DNAJC10: variants seen among roughly 807,000 people sequenced by gnomAD.
The protein encoded by DNAJC10 is DnaJ heat shock protein family (Hsp40) member C10.
DNAJC10 carries 101 observed loss-of-function variants against 115.0 expected under a neutral mutation model. That is an observed-to-expected ratio of 0.88 (90% CI 0.75 to 1.04). The LOEUF is 1.04. Among genes scored for constraint, DNAJC10 ranks in the 50% least tolerant of loss-of-function variants. The probability of loss-of-function intolerance (pLI) is 0.00; values close to 1 mark genes in which losing one functional copy is unlikely to be tolerated. For synonymous variants in DNAJC10, 307 were observed against 301.5 expected (o/e 1.02, Z -0.19); for missense variants, 981 against 928.8 (o/e 1.06, Z -0.73).
At position 182,716,349 on chromosome 2, in the gene DNAJC10, T is replaced by A. The variant is rs1459580004; in HGVS notation, c.-338T>A. ...GTGTGGCTGCACCTCACCAATCCCG[T>A]GCGCCGCGGCTGGGCCGTCGGAGAG... On this transcript the variant is annotated 5_prime_UTR_variant, in exon 1 of 24. Transcript: ENST00000264065. 1 of 152,242 alleles carries A rather than the reference T, an allele frequency of 6.6e-6. No homozygotes were observed. The highest frequency in any genetic ancestry group is 1.9e-4 in the East Asian group (1 of 5,172). The allele number at this position is 152,242 out of a possible 1,614,324, so 9.4% of individuals were successfully genotyped here. A position where few individuals can be genotyped will look rare whatever the true frequency, so the allele number is the denominator to read the frequency against.
intron 17 of DNAJC10, among the ~76,000 whole-genome samples, chr2:182,755,618 T>A (rs1694138650): frequency 6.6e-6 from 1 of 152,194 alleles, no homozygotes; most frequent in Non-Finnish European, 1.5e-5. Flanking sequence ...GAAGCTAGCC[T>A]CTTCATCAGT....
chr2:182,728,600 T>A lies in DNAJC10; in HGVS notation c.443T>A (p.Leu148Gln). Reference sequence around the variant, plus strand: ...GATGCTGCTGTTAATTCTGGAGAACTGTGGTTTGTAAATTTTTACTCCCCA... The same window carrying A: ...GATGCTGCTGTTAATTCTGGAGAACAGTGGTTTGTAAATTTTTACTCCCCA... ...EFDAAVNSGE[L>Q]WFVNFYSPGC... is the part of the protein sequence containing the mutation. Residue 148 changes from leucine (L) to glutamine (Q), a missense_variant, in exon 6 of 24, where the codon CTG becomes CAG. By Grantham distance (113) the Leu-to-Gln change is moderately radical. Coordinates refer to ENST00000264065, the MANE Select transcript of DNAJC10 (RefSeq NM_018981.4). 3 of 1,612,206 alleles carry A rather than the reference T, an allele frequency of 1.9e-6. No homozygotes were observed. The highest frequency in any genetic ancestry group is 2.5e-6 in the Non-Finnish European group (3 of 1,178,812).
chr2:182,765,002 G>A (rs1694373547), intron 22 of DNAJC10, among the ~76,000 whole-genome samples: 2 of 152,088 alleles, frequency 1.3e-5, no homozygotes, highest in African/African-American at 4.8e-5. Flanking sequence ...TGCAGCGCAG[G>A]CTGTTTGCAT....
chr2:182,748,351 A>C (rs2105660608), intron 14 of DNAJC10, among the ~76,000 whole-genome samples: 1 of 152,284 alleles, frequency 6.6e-6, no homozygotes, highest in South Asian at 2.1e-4. Context: ...CTGTGAATCC[A>C]TCTGGTCCTG....
chr2:182,772,810 C>A lies in DNAJC10; in HGVS notation c.2266-2506C>A, dbSNP rs575819266. On this transcript the variant is annotated intron_variant, in intron 22 of 23. Coordinates refer to ENST00000264065, the MANE Select transcript of DNAJC10 (RefSeq NM_018981.4). ...CTTTATCAAATTTGCCAGCCTGTGT[C>A]TTTTAATTGGGGCATTTAGCCCATT... 8.5e-5 allele frequency among the ~76,000 whole-genome samples: 13 copies of A among 152,268 alleles called. No homozygotes were observed. In the South Asian group the frequency reaches 2.7e-3, roughly 32 times the overall value.
intron 22 of DNAJC10, among the ~76,000 whole-genome samples, chr2:182,765,708 C>A (rs559074012): frequency 6.6e-6 from 1 of 152,210 alleles, no homozygotes; most frequent in South Asian, 2.1e-4. Context: ...AAAGAGAGCC[C>A]CATATTCCCC....
chr2:182,757,719 A>T lies in DNAJC10; in HGVS notation c.1837A>T (p.Ser613Cys). The change falls in exon 19 of 24, where the codon AGT becomes TGT. Residue 613 changes from serine to cysteine, a missense_variant. Physicochemically the swap from Ser to Cys is moderately radical, Grantham distance 112. Transcript: ENST00000264065. ...ATTAACTGGACTGATCAACGTGGGC[A>T]GTATAGATTGCCAACAGTATCATTC... ...RTLTGLINVGSIDCQQYHSFC... is the reference protein window; with the variant it reads ...RTLTGLINVGCIDCQQYHSFC... 1 of 1,595,654 alleles carries T rather than the reference A, an allele frequency of 6.3e-7. No homozygotes were observed. The highest frequency in any genetic ancestry group is 8.5e-7 in the Non-Finnish European group (1 of 1,172,734).
intron 5 of DNAJC10, among the ~76,000 whole-genome samples, chr2:182,725,888 G>A (rs917739298): frequency 6.6e-6 from 1 of 152,058 alleles, no homozygotes; most frequent in Non-Finnish European, 1.5e-5. Flanking sequence ...TTTTTTTCAT[G>A]CCTGCTAACA....
chr2:182,767,727 GTATT>G (rs1468637595), intron 22 of DNAJC10, among the ~76,000 whole-genome samples: 4 of 152,228 alleles, frequency 2.6e-5, no homozygotes, highest in African/African-American at 9.6e-5. Context: ...CGTCCACCAA[GTATT>G]TATTGAAAGA....
chr2:182,723,658 C>G (rs1358878884), intron 5 of DNAJC10, among the ~76,000 whole-genome samples: 3 of 151,998 alleles, frequency 2.0e-5, no homozygotes, highest in African/African-American at 7.3e-5. Flanking sequence ...GTTTTGTGTA[C>G]CAATGGTTCA....
Position 182,755,436 on chromosome 2 carries a change from CT to C in DNAJC10, c.1653+347del, listed in dbSNP as rs76238413. 2.8e-3 allele frequency among the ~76,000 whole-genome samples: 373 copies of C among 134,766 alleles called. 1 individual carries two copies. Among genetic ancestry groups the C allele is most frequent in the African/African-American group, 7.6e-3 (276 of 36,432 alleles). The allele number at this position is 134,766 out of a possible 152,430, so 88.4% of individuals were successfully genotyped here. A position where few individuals can be genotyped will look rare whatever the true frequency, so the allele number is the denominator to read the frequency against. On this transcript the variant is annotated intron_variant, in intron 17 of 23. Coordinates refer to ENST00000264065, the MANE Select transcript of DNAJC10 (RefSeq NM_018981.4). Reference sequence around the variant, plus strand: ...AACAAGTGTCTGGCATCTACAGCATCTTTTTTTTTTTTTTTCTCAGTAACAC... The same window carrying C: ...AACAAGTGTCTGGCATCTACAGCATCTTTTTTTTTTTTTTCTCAGTAACAC...
chr2:182,758,956 C>A lies in DNAJC10; in HGVS notation c.1997+66C>A. On this transcript the variant is annotated intron_variant, in intron 20 of 23. Transcript: ENST00000264065. ...AAAGCCATTTACCCCCCTTTTATAT[C>A]AATAGTTAAATTTACTGTGGGTTAA... 2.4e-6 allele frequency: 3 copies of A among 1,274,106 alleles called. No individual in the cohort carries two copies. In the South Asian group the frequency reaches 3.8e-5, roughly 16 times the overall value. The allele number at this position is 1,274,106 out of a possible 1,614,324, so 78.9% of individuals were successfully genotyped here.
chr2:182,733,876 T>C (rs1693517708), intron 10 of DNAJC10, among the ~76,000 whole-genome samples: 1 of 151,564 alleles, frequency 6.6e-6, no homozygotes, highest in Admixed American at 6.6e-5. Context: ...TAAGACTTCG[T>C]TCTTTGAAGC....
In DNAJC10 at chr2:182,790,918, T is replaced by TTA. The variant is rs2105731242; in HGVS notation, c.*13788_*13789dup. ...CTGACTTTTCCTTTGCTTTATTCTC[T>TTA]TATTTCTTCCAAGTAACCATATTCT... On this transcript the variant is annotated 3_prime_UTR_variant, in exon 24 of 24. Transcript: ENST00000264065. 6.6e-6 allele frequency: 1 copy of TTA among 152,318 alleles called. No individual in the cohort carries two copies. The highest frequency in any genetic ancestry group is 1.5e-5 in the Non-Finnish European group (1 of 68,022). The allele number at this position is 152,318 out of a possible 1,614,324, so 9.4% of individuals were successfully genotyped here. A position where few individuals can be genotyped will look rare whatever the true frequency, so the allele number is the denominator to read the frequency against.
chr2:182,767,109 T>C (rs1290287772), intron 22 of DNAJC10, among the ~76,000 whole-genome samples: 1 of 152,142 alleles, frequency 6.6e-6, no homozygotes, highest in Non-Finnish European at 1.5e-5. Flanking sequence ...GAATGAAGCG[T>C]AGAGTGGAAT....
At chr2:182,754,715 G>T (rs187835057) in intron 16 of DNAJC10, 1 of 1,102,918 alleles carries the variant, frequency 9.1e-7, no homozygotes, top group African/African-American at 1.6e-5. Context: ...GAGTAAAAAG[G>T]GACCATTCGT....
At chr2:182,753,130 A>G (rs1359202059) in intron 16 of DNAJC10, among the ~76,000 whole-genome samples, 1 of 152,168 alleles carries the variant, frequency 6.6e-6, no homozygotes, top group Non-Finnish European at 1.5e-5. Flanking sequence ...GAAATTATAG[A>G]TCATCTGAAA....
chr2:182,788,621 C>T lies in DNAJC10; in HGVS notation c.*11489C>T, dbSNP rs1694993036. 7.3e-6 allele frequency: 2 copies of T among 273,244 alleles called. No homozygotes were observed. The highest frequency in any genetic ancestry group is 3.8e-5 in the South Asian group (1 of 26,534). 16.9% of individuals were successfully genotyped at this position (273,244 alleles called of 1,614,324 possible). A position where few individuals can be genotyped will look rare whatever the true frequency, so the allele number is the denominator to read the frequency against. ...TAGCAATTGGTTGTAGCAATACGTC[C>T]GTCTGTAAGTGATGGTCATATTTGT... is the stretch of plus-strand genomic sequence containing the variant. On this transcript the variant is annotated 3_prime_UTR_variant, in exon 24 of 24. Transcript: ENST00000264065.
rs142243623 is a variant in DNAJC10, at chr2:182,764,774, A to G, written c.2265+1973A>G. On this transcript the variant is annotated intron_variant, in intron 22 of 23. Transcript: ENST00000264065. ...ATATACTCACCATGGGAAAGAACCC[A>G]TTCAAAAAAAGGAAGTCCTAATCTC... Among the ~76,000 whole-genome samples the G allele has an allele frequency of 3.9e-3, 589 of 152,274 alleles. 7 individuals carry two copies. Among genetic ancestry groups the G allele is most frequent in the African/African-American group, 0.014 (566 of 41,558 alleles).
Sources: gnomAD v4.1 joint callset for allele counts (sites outside exome capture counted in the v4.1 genomes callset) on GRCh38, gnomAD v4.1.1 for gene constraint, MANE v1.5 for transcripts, NCBI Gene and HGNC (gene_info 2026-07-23, HGNC 2026-07-21) for gene names.